PIEZO2: variants seen among roughly 807,000 people sequenced by gnomAD.
PIEZO2 encodes the protein piezo type mechanosensitive ion channel component 2, also known as piezo-type mechanosensitive ion channel component 2.
PIEZO2 carries 172 observed loss-of-function variants against 337.3 expected under a neutral mutation model. That is an observed-to-expected ratio of 0.51 (90% CI 0.45 to 0.58). PIEZO2 has a LOEUF of 0.58. Among genes scored for constraint, PIEZO2 ranks in the 20% least tolerant of loss-of-function variants. PIEZO2 has a pLI of 0.00. For synonymous variants in PIEZO2, 1,251 were observed against 1,228.5 expected (o/e 1.02, Z -0.38); for missense variants, 3,028 against 3,391.3 (o/e 0.89, Z 2.66).
At chr18:10,740,050 T>C (rs1276611983) in intron 33 of PIEZO2, 1 of 151,500 alleles carries the variant, frequency 6.6e-6, no homozygotes, top group East Asian at 1.9e-4. Context: ...TGATATTCCT[T>C]GTCCAGTTAG....
intron 53 of PIEZO2, 27 bp from the exon 54 acceptor site, chr18:10,675,315 A>C: frequency 7.3e-7 from 1 of 1,366,378 alleles, no homozygotes; most frequent in Non-Finnish European, 9.9e-7. Flanking sequence ...AAAAGATACA[A>C]TTACGTTTTA....
Position 11,146,568 on chromosome 18 carries a change from T to C in PIEZO2, c.64+1957A>G, listed in dbSNP as rs1031146076. On this transcript the variant is annotated intron_variant, in intron 1 of 55. Coordinates refer to ENST00000674853, the MANE Select transcript of PIEZO2 (RefSeq NM_001378183.1). This position sits in a 1 kb window ranked among gnomAD's most constrained non-coding sequence, Gnocchi z 6.1. ...GTACTACAGCCCTACTGAAGGAGTT[T>C]TTAGCATAGGCCACCAACCTTTAGT... Among the ~76,000 whole-genome samples the C allele has an allele frequency of 2.0e-5, 3 of 152,208 alleles. No homozygotes were observed. Among genetic ancestry groups the C allele is most frequent in the African/African-American group, 7.2e-5 (3 of 41,452 alleles).
At position 11,101,696 on chromosome 18, in the gene PIEZO2, CT is replaced by C. The variant is rs2039424364; in HGVS notation, c.65-35475del. Among the ~76,000 whole-genome samples the C allele has an allele frequency of 6.6e-6, 1 of 152,160 alleles. No homozygotes were observed. Among genetic ancestry groups the C allele is most frequent in the Non-Finnish European group, 1.5e-5 (1 of 68,028 alleles). On this transcript the variant is annotated intron_variant, in intron 1 of 55. Coordinates refer to ENST00000674853, the MANE Select transcript of PIEZO2 (RefSeq NM_001378183.1). The surrounding 1 kb of genome is among the most constrained non-coding windows in gnomAD (Gnocchi z 4.4). Reference sequence around the variant, plus strand: ...TGTTTATATCCTCACAGAGAATTTCCTAAAGCATTTAAGTCGAGATGGTCAT... The same window carrying C: ...TGTTTATATCCTCACAGAGAATTTCCAAAGCATTTAAGTCGAGATGGTCAT...
intron 2 of PIEZO2, among the ~76,000 whole-genome samples, chr18:10,995,077 C>CAA (rs767666232): frequency 1.4e-4 from 4 of 28,280 alleles, no homozygotes; most frequent in East Asian, 7.6e-4. Flanking sequence ...GACTCCGTCT[C>CAA]AAAAAAAAAA....
Position 11,009,198 on chromosome 18 carries a change from C to T in PIEZO2, c.161-29538G>A, listed in dbSNP as rs2035814886. ...GCCACGTCACTGTTATTTGCCTGGG[C>T]AGTGTATCCCAAGGACTCTTATTAA... On this transcript the variant is annotated intron_variant, in intron 2 of 55. Coordinates refer to ENST00000674853, the MANE Select transcript of PIEZO2 (RefSeq NM_001378183.1). The surrounding 1 kb of genome is among the most constrained non-coding windows in gnomAD (Gnocchi z 4.6). Among the ~76,000 whole-genome samples the T allele has an allele frequency of 6.6e-6, 1 of 152,196 alleles. No individual in the cohort carries two copies. Among genetic ancestry groups the T allele is most frequent in the African/African-American group, 2.4e-5 (1 of 41,446 alleles).
chr18:11,009,485 T>C lies in PIEZO2; in HGVS notation c.161-29825A>G, dbSNP rs1408705903. Among the ~76,000 whole-genome samples the C allele has an allele frequency of 6.6e-6, 1 of 152,212 alleles. No individual in the cohort carries two copies. The highest frequency in any genetic ancestry group is 1.5e-5 in the Non-Finnish European group (1 of 68,036). ...GGGAGGTTGAGCCCAGCTCAGCTCATGGACTGGTTGAGGCGCGTGTGAGAG... is the reference window on the plus strand; with the variant it reads ...GGGAGGTTGAGCCCAGCTCAGCTCACGGACTGGTTGAGGCGCGTGTGAGAG... On this transcript the variant is annotated intron_variant, in intron 2 of 55. Coordinates refer to ENST00000674853, the MANE Select transcript of PIEZO2 (RefSeq NM_001378183.1). The surrounding 1 kb of genome is among the most constrained non-coding windows in gnomAD (Gnocchi z 4.6).
rs112174627 is a variant in PIEZO2 at position 11,149,365 on chromosome 18, G to C, written c.-777C>G. Among the ~76,000 whole-genome samples, 1 of 152,120 alleles carries C rather than the reference G, an allele frequency of 6.6e-6. No homozygotes were observed. The highest frequency in any genetic ancestry group is 2.4e-5 in the African/African-American group (1 of 41,446). ...GAGTCCCTCCCTCACTCGAAGGAAC[G>C]GCGCGAGCGTGGGGAGAAATGGAGA... On this transcript the variant is annotated 5_prime_UTR_variant, in exon 1 of 56. Transcript: ENST00000674853. This position sits in a 1 kb window ranked among gnomAD's most constrained non-coding sequence, Gnocchi z 8.7.
Position 10,993,491 on chromosome 18 carries a change from T to C in PIEZO2, c.161-13831A>G, listed in dbSNP as rs1295897779. On this transcript the variant is annotated intron_variant, in intron 2 of 55. Transcript: ENST00000674853. This position sits in a 1 kb window ranked among gnomAD's most constrained non-coding sequence, Gnocchi z 5.0. ...ATCATGTCGTTTTTGTCATTGGTTCTGTTTATGTGATAGATTACGTTTTTG... is the reference window on the plus strand; with the variant it reads ...ATCATGTCGTTTTTGTCATTGGTTCCGTTTATGTGATAGATTACGTTTTTG... Among the ~76,000 whole-genome samples, 1 of 152,144 alleles carries C rather than the reference T, an allele frequency of 6.6e-6. No homozygotes were observed. The highest frequency in any genetic ancestry group is 1.5e-5 in the Non-Finnish European group (1 of 68,038).
rs114055953 is a variant in PIEZO2 at position 10,950,616 on chromosome 18, C to T, written c.286+28919G>A. Among the ~76,000 whole-genome samples, 291 of 152,300 alleles carry T rather than the reference C, an allele frequency of 1.9e-3. 3 individuals are homozygous for T. Among genetic ancestry groups the T allele is most frequent in the African/African-American group, 6.6e-3 (273 of 41,560 alleles). On this transcript the variant is annotated intron_variant, in intron 3 of 55. Coordinates refer to ENST00000674853, the MANE Select transcript of PIEZO2 (RefSeq NM_001378183.1). ...TTTCCAGTATTCTGATAACACCCAA[C>T]TTTGTGTCTCTAAGATTTCTTTTCT...
chr18:11,145,352 C>T (rs988888674), intron 1 of PIEZO2, among the ~76,000 whole-genome samples: 8 of 118,136 alleles, frequency 6.8e-5, no homozygotes, highest in East Asian at 2.4e-4. Context: ...TTATCTTATA[C>T]GGAAAAAGAA....
chr18:10,762,221 C>T (rs1005600921), intron 23 of PIEZO2, among the ~76,000 whole-genome samples: 4 of 152,200 alleles, frequency 2.6e-5, no homozygotes, highest in African/African-American at 9.6e-5. Flanking sequence ...ATGCACCCAT[C>T]GACCTTAATC....
Position 10,696,540 on chromosome 18 carries a change from C to T in PIEZO2, c.6828-1G>A. 6.2e-7 allele frequency: 1 copy of T among 1,613,176 alleles called. No individual in the cohort carries two copies. The highest frequency in any genetic ancestry group is 8.5e-7 in the Non-Finnish European group (1 of 1,179,920). Reference sequence around the variant, plus strand: ...GATGGGCACATAGATCTCCAGCGTCCTGCAAAATGGAGACCCCCACCCCCA... The same window carrying T: ...GATGGGCACATAGATCTCCAGCGTCTTGCAAAATGGAGACCCCCACCCCCA... On this transcript the variant is annotated splice_acceptor_variant, in intron 45 of 55. Coordinates refer to ENST00000674853, the MANE Select transcript of PIEZO2 (RefSeq NM_001378183.1). LOFTEE classifies it high-confidence loss of function.
rs2144024726 is a variant in PIEZO2, at chr18:10,775,652, C to G, written c.2535-1614G>C. Among the ~76,000 whole-genome samples the G allele has an allele frequency of 6.6e-6, 1 of 152,312 alleles. No homozygotes were observed. The highest frequency in any genetic ancestry group is 2.1e-4 in the South Asian group (1 of 4,820). ...GCAGATGTCCTTAAGCAACGATGCC[C>G]CCAAACTGCCATGCCACAGGCAGGG... is the stretch of plus-strand genomic sequence containing the variant. On this transcript the variant is annotated intron_variant, in intron 18 of 55. Coordinates refer to ENST00000674853, the MANE Select transcript of PIEZO2 (RefSeq NM_001378183.1). The surrounding 1 kb of genome is among the most constrained non-coding windows in gnomAD (Gnocchi z 4.3).
At chr18:10,928,540 CATAAATATTATAAATAAA>C (rs1410509840) in intron 3 of PIEZO2, among the ~76,000 whole-genome samples, 3 of 152,188 alleles carry the variant, frequency 2.0e-5, no homozygotes, top group Non-Finnish European at 4.4e-5. Context: ...GTGCCTGGCA[CATAAATATTATAAATAAA>C]ATAAACACAA....
intron 7 of PIEZO2, among the ~76,000 whole-genome samples, chr18:10,841,883 G>A (rs976943862): frequency 3.9e-5 from 6 of 152,106 alleles, no homozygotes; most frequent in South Asian, 2.1e-4. Flanking sequence ...TTGGTGCAAC[G>A]CAGGGCGTGG....
chr18:10,817,500 A>G (rs919924861), intron 7 of PIEZO2, among the ~76,000 whole-genome samples: 1 of 152,232 alleles, frequency 6.6e-6, no homozygotes, highest in African/African-American at 2.4e-5. Context: ...TCTTGTTCAT[A>G]AAAAACTTAT....
At chr18:10,981,192 C>G (rs7243628) in intron 2 of PIEZO2, among the ~76,000 whole-genome samples, 1,785 of 152,108 alleles carry the variant, frequency 0.012, 38 homozygotes, top group African/African-American at 0.04. Flanking sequence ...GTGGATACTG[C>G]TACACTTGTT....
intron 1 of PIEZO2, among the ~76,000 whole-genome samples, chr18:11,140,529 T>C (rs2040613067): frequency 6.6e-6 from 1 of 152,194 alleles, no homozygotes; most frequent in Admixed American, 6.5e-5. Flanking sequence ...TATTTTGGAG[T>C]ATAGATCTCA....
chr18:10,715,363 T>C (rs1295919749), intron 38 of PIEZO2, among the ~76,000 whole-genome samples: 2 of 152,190 alleles, frequency 1.3e-5, no homozygotes, highest in Non-Finnish European at 2.9e-5. Flanking sequence ...TATAGGGATA[T>C]AGAACAAGGC....
Sources: gnomAD v4.1 joint callset for allele counts (sites outside exome capture counted in the v4.1 genomes callset) on GRCh38, gnomAD v4.1.1 for gene constraint, Gnocchi (gnomAD v3.1) non-coding constraint, MANE v1.5 for transcripts, NCBI Gene and HGNC (gene_info 2026-07-23, HGNC 2026-07-21) for gene names.